The following RANBP17 variants were observed in gnomAD, a reference collection of about 807,000 sequenced individuals.
RANBP17 encodes RAN binding protein 17, also known as ran-binding protein 17.
A neutral mutation model predicts 141.2 loss-of-function variants in RANBP17; 158 were observed. That is an observed-to-expected ratio of 1.12 (90% CI 0.98 to 1.28). RANBP17 has a LOEUF of 1.28. RANBP17 is among the 50% of genes most tolerant of loss of function. The pLI is 0.00. For missense variants in RANBP17, 1,438 were observed against 1,290.7 expected (o/e 1.11, Z -1.75); for synonymous variants, 430 against 450.0 (o/e 0.96, Z 0.56).
chr5:171,153,605 C>T (rs1453438804), intron 14 of RANBP17, among the ~76,000 whole-genome samples: 1 of 152,170 alleles, frequency 6.6e-6, no homozygotes, highest in Non-Finnish European at 1.5e-5. Context: ...CAGGGGAAGA[C>T]TGACACCCAG....
Position 171,062,294 on chromosome 5 carries a change from G to C in RANBP17, c.1710+93917G>C, listed in dbSNP as rs1783937508. ...ATTTGGCATAATTTTGCGGCGGCTG[G>C]TACCGGTTGTTCCTTTCCATGTTTA... is the stretch of plus-strand genomic sequence containing the variant. On this transcript the variant is annotated intron_variant, in intron 14 of 27. Transcript: ENST00000523189. Among the ~76,000 whole-genome samples the C allele has an allele frequency of 2.0e-5, 3 of 152,178 alleles. No homozygotes were observed. In the South Asian group the frequency reaches 6.2e-4, roughly 32 times the overall value.
At chr5:171,196,891 G>A (rs1046403954) in intron 18 of RANBP17, among the ~76,000 whole-genome samples, 11 of 151,976 alleles carry the variant, frequency 7.2e-5, no homozygotes, top group African/African-American at 2.7e-4. Flanking sequence ...CTGGGCCCAG[G>A]GGATCCTCCT....
chr5:170,953,631 A>G lies in RANBP17; in HGVS notation c.1503A>G (p.Thr501=), dbSNP rs957129789. The part of the protein sequence containing the change: ...RLAWLVYLVG[T]VVGGRLTYTS... Reference sequence around the variant, plus strand: ...CATGGCTGGTATACTTAGTTGGGACAGTTGTAGGAGGAAGATTAACATATA... The same window carrying G: ...CATGGCTGGTATACTTAGTTGGGACGGTTGTAGGAGGAAGATTAACATATA... The change falls in exon 13 of 28, where the codon ACA becomes ACG. Residue 501 remains threonine (T), a synonymous_variant. Coordinates refer to ENST00000523189, the MANE Select transcript of RANBP17 (RefSeq NM_022897.5). 2 of 1,611,786 alleles carry G rather than the reference A, an allele frequency of 1.2e-6. No individual in the cohort carries two copies.
chr5:171,170,657 C>T (rs1184407667), intron 15 of RANBP17, among the ~76,000 whole-genome samples: 1 of 152,088 alleles, frequency 6.6e-6, no homozygotes, highest in Non-Finnish European at 1.5e-5. Context: ...TTATATTGGA[C>T]TTATAACATT....
At chr5:171,096,827 T>TCAA (rs1012193869) in intron 14 of RANBP17, among the ~76,000 whole-genome samples, 1 of 152,102 alleles carries the variant, frequency 6.6e-6, no homozygotes, top group Non-Finnish European at 1.5e-5. Flanking sequence ...GCCTACTTTA[T>TCAA]CAACAACAAC....
intron 13 of RANBP17, among the ~76,000 whole-genome samples, chr5:170,955,818 GTATATA>G (rs367914750): frequency 7.1e-6 from 1 of 141,652 alleles, no homozygotes; most frequent in African/African-American, 2.6e-5. Context: ...TAAAATTCCT[GTATATA>G]TATATATATA....
chr5:170,973,321 C>T (rs1008043736), intron 14 of RANBP17, among the ~76,000 whole-genome samples: 2 of 152,074 alleles, frequency 1.3e-5, no homozygotes, highest in Non-Finnish European at 2.9e-5. Flanking sequence ...GACTTCATAT[C>T]ATGCAAAAAT....
intron 14 of RANBP17, among the ~76,000 whole-genome samples, chr5:171,052,665 C>A (rs1364529810): frequency 6.6e-6 from 1 of 152,098 alleles, no homozygotes; most frequent in Non-Finnish European, 1.5e-5. Flanking sequence ...ATGAGATCTC[C>A]AACTTTGTTT....
Position 171,164,656 on chromosome 5 carries a change from C to T in RANBP17, c.1711-5474C>T, listed in dbSNP as rs549724925. 2.0e-5 allele frequency among the ~76,000 whole-genome samples: 3 copies of T among 152,252 alleles called. No individual in the cohort carries two copies. In the South Asian group the frequency reaches 6.2e-4, roughly 32 times the overall value. ...ATTAAAACAGTTTTTTAAGAGCATG[C>T]CTTCTCAAATCTGTAATAATGATAA... On this transcript the variant is annotated intron_variant, in intron 14 of 27. Transcript: ENST00000523189.
At chr5:171,135,590 A>AT (rs1407109128) in intron 14 of RANBP17, among the ~76,000 whole-genome samples, 1 of 152,128 alleles carries the variant, frequency 6.6e-6, no homozygotes, top group Non-Finnish European at 1.5e-5. Flanking sequence ...CTCCACCCTG[A>AT]CCCCTTGCCC....
At chr5:171,297,750 T>A (rs965923625) in intron 27 of RANBP17, among the ~76,000 whole-genome samples, 3 of 150,374 alleles carry the variant, frequency 2.0e-5, no homozygotes, top group African/African-American at 7.4e-5. Context: ...TTAATGAGAG[T>A]AATAGGCAGT....
At chr5:171,254,203 T>A (rs1007097889) in intron 24 of RANBP17, among the ~76,000 whole-genome samples, 2 of 148,122 alleles carry the variant, frequency 1.4e-5, no homozygotes, top group African/African-American at 5.0e-5. Context: ...GACGAGATCA[T>A]GTCACTGAAC....
At chr5:171,144,487 G>A (rs1757909449) in intron 14 of RANBP17, among the ~76,000 whole-genome samples, 1 of 152,288 alleles carries the variant, frequency 6.6e-6, no homozygotes. Flanking sequence ...TATTCTGGTG[G>A]CAGTGGCCTA....
intron 14 of RANBP17, among the ~76,000 whole-genome samples, chr5:171,107,730 G>A (rs1395816985): frequency 6.6e-6 from 1 of 152,126 alleles, no homozygotes; most frequent in Admixed American, 6.5e-5. Context: ...AATGAAAAGG[G>A]AAATCTTGCC....
At chr5:171,251,555 A>C (rs977388676) in intron 24 of RANBP17, among the ~76,000 whole-genome samples, 1 of 152,150 alleles carries the variant, frequency 6.6e-6, no homozygotes, top group Non-Finnish European at 1.5e-5. Context: ...AAAAAAAAAA[A>C]AACTTCTTGA....
chr5:170,868,752 C>T (rs1412114421), intron 1 of RANBP17, among the ~76,000 whole-genome samples: 1 of 152,156 alleles, frequency 6.6e-6, no homozygotes, highest in African/African-American at 2.4e-5. Context: ...AGACCATTCT[C>T]ATATTAATCA....
chr5:170,912,057 G>A (rs1173546049), intron 7 of RANBP17, among the ~76,000 whole-genome samples: 1 of 151,740 alleles, frequency 6.6e-6, no homozygotes, highest in Non-Finnish European at 1.5e-5. Flanking sequence ...AAATAAAATT[G>A]GAGAGGCCTC....
chr5:171,089,265 CTGCTCGG>C (rs1373200826), intron 14 of RANBP17, among the ~76,000 whole-genome samples: 140 of 100,636 alleles, frequency 1.4e-3, no homozygotes, highest in Middle Eastern at 5.9e-3. Flanking sequence ...CCCAGTTAGG[CTGCTCGG>C]GGGTCACGGG....
At chr5:170,978,114 T>C (rs1399131674) in intron 14 of RANBP17, among the ~76,000 whole-genome samples, 1 of 152,120 alleles carries the variant, frequency 6.6e-6, no homozygotes, top group East Asian at 1.9e-4. Context: ...GTGTTCAGTA[T>C]TATTAGTCAT....
Sources: allele counts gnomAD v4.1 joint callset (sites outside exome capture counted in the v4.1 genomes callset), GRCh38; gene constraint gnomAD v4.1.1; transcripts MANE v1.5; gene names NCBI Gene and HGNC (gene_info 2026-07-23, HGNC 2026-07-21).